The following ZNF721 variants were observed in gnomAD, a reference collection of about 807,000 sequenced individuals.
ZNF721 encodes the protein zinc finger protein 721.
A neutral mutation model predicts 2.4 loss-of-function variants in ZNF721; 2 were observed. The observed-to-expected ratio is 0.82, with a 90% CI of 0.34 to 2.58. The LOEUF is 2.58. Ranked by LOEUF, ZNF721 falls within the 30% of genes most tolerant of loss-of-function variation. ZNF721 has a pLI of 0.11. For missense variants in ZNF721, 1,187 were observed against 1,085.5 expected (o/e 1.09, Z -1.31); for synonymous variants, 398 against 381.8 (o/e 1.04, Z -0.50).
At chr4:477,183 A>C (rs1715645108) in intron 1 of ZNF721, among the ~76,000 whole-genome samples, 1 of 151,842 alleles carries the variant, frequency 6.6e-6, no homozygotes, top group African/African-American at 2.4e-5. Context: ...ACTGCAAGTC[A>C]AACCTTCTGG....
Position 443,115 on chromosome 4 carries a change from C to A in ZNF721, c.1352G>T (p.Gly451Val). 1 of 1,613,818 alleles carries A rather than the reference C, an allele frequency of 6.2e-7. No homozygotes were observed. Among genetic ancestry groups the A allele is most frequent in the Non-Finnish European group, 8.5e-7 (1 of 1,179,856 alleles). The change falls in exon 3 of 3, where the codon GGG becomes GTG. Residue 451 changes from glycine (G) to valine (V), a missense_variant. Coordinates refer to ENST00000511833, the MANE Select transcript of ZNF721 (RefSeq NM_133474.4). ...GDKPYKCKEC[G>V]KAFIHSLHLN... ...GTGCAAGGAATGTATAAAGGCTTTC[C>A]CACATTCTTTACATTTGTAGGGTTT... is the stretch of plus-strand genomic sequence containing the variant.
chr4:495,344 A>C lies in ZNF721; in HGVS notation c.-94+3712T>G, dbSNP rs1196926467. ...AAAACTTTTGCTCAAAAAAAAAAAA[A>C]AAAAGACAAGGTCCTAGGAGAGAAA... is the stretch of plus-strand genomic sequence containing the variant. On this transcript the variant is annotated intron_variant, in intron 1 of 2. Transcript: ENST00000511833. Among the ~76,000 whole-genome samples the C allele has an allele frequency of 6.6e-5, 10 of 151,738 alleles. No individual in the cohort carries two copies. The East Asian group carries it at 1.9e-3, about 29-fold the overall frequency.
intron 1 of ZNF721, among the ~76,000 whole-genome samples, chr4:493,684 C>CAA (rs34692559): frequency 0.13 from 15,584 of 122,948 alleles, 1,231 homozygotes; most frequent in African/African-American, 0.25. Flanking sequence ...ATCCCCCCCG[C>CAA]AAAAAAAAAA....
At chr4:444,902 C>T (rs1024322413) in intron 2 of ZNF721, among the ~76,000 whole-genome samples, 27 of 150,892 alleles carry the variant, frequency 1.8e-4, no homozygotes, top group African/African-American at 2.9e-4. Context: ...CTTGGGTATT[C>T]GAAGACAAAA....
intron 1 of ZNF721, chr4:473,919 C>T: frequency 1.3e-6 from 2 of 1,490,388 alleles, no homozygotes; most frequent in Non-Finnish European, 1.8e-6. Context: ...CCGCCGCCGC[C>T]ATTTGCCGCC....
rs1352549979 is a variant in ZNF721, at chr4:443,975, A to G, written c.492T>C (p.Pro164=). The stretch of plus-strand genomic sequence containing the variant: ...CTTTGCCACATTCTTCACATTTGTA[A>G]GGTTTCTCTCCAGTATGAATTTTCT... ...QHKKIHTGEK[P]YKCEECGKAF... The change falls in exon 3 of 3, where the codon CCT becomes CCC. Residue 164 remains proline (P), a synonymous_variant. Coordinates refer to ENST00000511833, the MANE Select transcript of ZNF721 (RefSeq NM_133474.4). 1 of 1,613,262 alleles carries G rather than the reference A, an allele frequency of 6.2e-7. No homozygotes were observed. The highest frequency in any genetic ancestry group is 8.5e-7 in the Non-Finnish European group (1 of 1,179,780).
chr4:442,402 T>C lies in ZNF721; in HGVS notation c.2065A>G (p.Lys689Glu). 6.2e-7 allele frequency: 1 copy of C among 1,613,930 alleles called. No individual in the cohort carries two copies. Among genetic ancestry groups the C allele is most frequent in the East Asian group, 2.2e-5 (1 of 44,864 alleles). Reference sequence around the variant, plus strand: ...TAAGGTTTTTCTCCAGTATGAATTTTCTTGTGTTGATTCAGGGCTATGGAC... The same window carrying C: ...TAAGGTTTTTCTCCAGTATGAATTTCCTTGTGTTGATTCAGGGCTATGGAC... ...GWSIALNQHK[K>E]IHTGEKPYKC... is the part of the protein sequence containing the mutation. The change falls in exon 3 of 3, where the codon AAA becomes GAA. Residue 689 changes from lysine (K) to glutamate (E), a missense_variant. Physicochemically the swap from Lys to Glu is moderately conservative, Grantham distance 56. Transcript: ENST00000511833.
chr4:446,577 C>T (rs1409675695), intron 2 of ZNF721, among the ~76,000 whole-genome samples: 1 of 152,108 alleles, frequency 6.6e-6, no homozygotes, highest in Admixed American at 6.5e-5. Flanking sequence ...GACAGGGTTT[C>T]ATCATACTGG....
intron 1 of ZNF721, among the ~76,000 whole-genome samples, chr4:492,863 T>C (rs533543241): frequency 7.9e-5 from 12 of 151,772 alleles, no homozygotes; most frequent in African/African-American, 2.9e-4. Flanking sequence ...CATGGTTCTT[T>C]TACCTTGTTT....
At chr4:495,331 C>CAAAAAA (rs548290022) in intron 1 of ZNF721, among the ~76,000 whole-genome samples, 1 of 90,506 alleles carries the variant, frequency 1.1e-5, no homozygotes, top group African/African-American at 4.1e-5. Flanking sequence ...AACTTTTGCT[C>CAAAAAA]AAAAAAAAAA....
In ZNF721 at chr4:442,799, G is replaced by C. The variant is rs781806389; in HGVS notation, c.1668C>G (p.Pro556=). The C allele has an allele frequency of 1.2e-6, 2 of 1,612,464 alleles. No individual in the cohort carries two copies. The highest frequency in any genetic ancestry group is 1.7e-6 in the Non-Finnish European group (2 of 1,179,534). Residue 556 remains proline (P), a synonymous_variant, in exon 3 of 3, where the codon CCC becomes CCG. Transcript: ENST00000511833. ...VHRRIHTGEK[P]YTCEECGKTF... is the part of the protein sequence containing the mutation. The stretch of plus-strand genomic sequence containing the variant: ...TTTTGCCACATTCTTCACATGTGTA[G>C]GGTTTCTCTCCAGTATGAATTCTCC...
chr4:455,952 C>G (rs1553865373), intron 2 of ZNF721, among the ~76,000 whole-genome samples: 1 of 152,114 alleles, frequency 6.6e-6, no homozygotes, highest in East Asian at 1.9e-4. Flanking sequence ...AAGTGTTTCT[C>G]TCACAAAACA....
chr4:448,322 G>A (rs1165937429), intron 2 of ZNF721, among the ~76,000 whole-genome samples: 1 of 151,910 alleles, frequency 6.6e-6, no homozygotes, highest in East Asian at 1.9e-4. Flanking sequence ...TGTAGTCCCA[G>A]CTACTGGACA....
intron 1 of ZNF721, among the ~76,000 whole-genome samples, chr4:479,109 CT>C (rs1297681294): frequency 6.6e-6 from 1 of 152,106 alleles, no homozygotes; most frequent in Non-Finnish European, 1.5e-5. Context: ...TTTTAAATAC[CT>C]TTTGTTGGAG....
chr4:447,831 A>G (rs1714526157), intron 2 of ZNF721, among the ~76,000 whole-genome samples: 2 of 126,182 alleles, frequency 1.6e-5, no homozygotes, highest in African/African-American at 6.5e-5. Context: ...ACGTTCCTTT[A>G]CTGGGAACTC....
chr4:441,900 C>T lies in ZNF721; in HGVS notation c.2567G>A (p.Arg856Lys), dbSNP rs782462310. 3 of 1,613,300 alleles carry T rather than the reference C, an allele frequency of 1.9e-6. No individual in the cohort carries two copies. Among genetic ancestry groups the T allele is most frequent in the Non-Finnish European group, 2.5e-6 (3 of 1,179,804 alleles). Residue 856 changes from arginine to lysine, a missense_variant, in exon 3 of 3, where the codon AGG becomes AAG. Coordinates refer to ENST00000511833, the MANE Select transcript of ZNF721 (RefSeq NM_133474.4). ...GGGTTTCTCTCCAGTATGAATTCTC[C>T]TATGTACATAAAGGATTGCTGACTG... Reference protein sequence around the residue: ...FRQSAILYVHRRIHTGEKPYT... With the variant: ...FRQSAILYVHKRIHTGEKPYT...
intron 1 of ZNF721, among the ~76,000 whole-genome samples, chr4:480,052 G>C (rs1321373577): frequency 1.3e-5 from 2 of 152,142 alleles, no homozygotes; most frequent in Non-Finnish European, 2.9e-5. Context: ...TTGGATGTCA[G>C]TGATTCAGGA....
chr4:485,710 G>A (rs1223991644), intron 1 of ZNF721, among the ~76,000 whole-genome samples: 4 of 152,094 alleles, frequency 2.6e-5, no homozygotes, highest in African/African-American at 9.7e-5. Context: ...CTTAACTGGC[G>A]CACGCCTGTA....
intron 2 of ZNF721, among the ~76,000 whole-genome samples, chr4:467,253 A>C (rs1008466018): frequency 3.3e-5 from 5 of 152,138 alleles, no homozygotes; most frequent in African/African-American, 4.8e-5. Context: ...GATGTGGCTT[A>C]CATGGCTTAC....
Sources: gnomAD v4.1 joint callset for allele counts (sites outside exome capture counted in the v4.1 genomes callset) on GRCh38, gnomAD v4.1.1 for gene constraint, MANE v1.5 for transcripts, NCBI Gene and HGNC (gene_info 2026-07-23, HGNC 2026-07-21) for gene names.